The following AGAP1 variants were observed in gnomAD, a reference collection of about 807,000 sequenced individuals.
AGAP1 encodes arf-GAP with GTPase, ANK repeat and PH domain-containing protein 1.
A neutral mutation model predicts 105.3 loss-of-function variants in AGAP1; 29 were observed. The ratio of observed to expected loss-of-function variants is 0.28; its 90% CI spans 0.21 to 0.38. The LOEUF (loss-of-function observed/expected upper bound fraction) is 0.38. Among genes scored for constraint, AGAP1 ranks in the 10% least tolerant of loss-of-function variants. AGAP1 has a pLI of 1.00. For synonymous variants in AGAP1, 509 were observed against 485.9 expected, an observed-to-expected ratio of 1.05 and a Z score of -0.63; for missense variants, 998 against 1,165.1, an observed-to-expected ratio of 0.86 and a Z score of 2.09.
intron 10 of AGAP1, among the ~76,000 whole-genome samples, chr2:235,885,083 A>G (rs540143357): frequency 7.2e-4 from 109 of 152,358 alleles, no homozygotes; most frequent in Non-Finnish European, 1.3e-3. Flanking sequence ...AGTTAGAAAT[A>G]GCATATTGAA....
intron 12 of AGAP1, among the ~76,000 whole-genome samples, chr2:235,945,674 T>C (rs530121172): frequency 5.4e-4 from 82 of 152,070 alleles, no homozygotes; most frequent in Non-Finnish European, 1.0e-3. Context: ...GCTCTTAGAT[T>C]CGGGAGTGGG....
chr2:235,803,267 C>T (rs902535427), intron 8 of AGAP1, among the ~76,000 whole-genome samples: 17 of 152,074 alleles, frequency 1.1e-4, no homozygotes, highest in Admixed American at 5.2e-4. Context: ...ATAGTAACTC[C>T]ACTAGATGTC....
intron 9 of AGAP1, among the ~76,000 whole-genome samples, chr2:235,825,542 G>A (rs1218452506): frequency 6.6e-6 from 1 of 152,076 alleles, no homozygotes; most frequent in Non-Finnish European, 1.5e-5. Context: ...AAAATCATGT[G>A]CATTATTTCA....
intron 9 of AGAP1, among the ~76,000 whole-genome samples, chr2:235,881,877 TTAGAG>T (rs1286193176): frequency 6.6e-6 from 1 of 152,204 alleles, no homozygotes; most frequent in African/African-American, 2.4e-5. Context: ...TAAAAATGAA[TTAGAG>T]TAAATTACAT....
At chr2:235,760,631 G>T (rs1421936817) in intron 6 of AGAP1, among the ~76,000 whole-genome samples, 1 of 152,160 alleles carries the variant, frequency 6.6e-6, no homozygotes, top group East Asian at 1.9e-4. Context: ...TGTCACACAG[G>T]CTGGAGTACA....
chr2:236,069,869 T>A, intron 16 of AGAP1, among the ~76,000 whole-genome samples: 1 of 152,370 alleles, frequency 6.6e-6, no homozygotes, highest in African/African-American at 2.4e-5. Context: ...TTATCTTTAT[T>A]TTCTAATTTT....
At chr2:235,634,283 T>C (rs558915212) in intron 1 of AGAP1, among the ~76,000 whole-genome samples, 1 of 152,356 alleles carries the variant, frequency 6.6e-6, no homozygotes, top group Admixed American at 6.5e-5. Flanking sequence ...TGTATCTCTG[T>C]GTACCTGTGT....
intron 10 of AGAP1, among the ~76,000 whole-genome samples, chr2:235,907,582 A>G (rs1309427579): frequency 6.6e-6 from 1 of 152,236 alleles, no homozygotes; most frequent in Non-Finnish European, 1.5e-5. Flanking sequence ...CACTTCCTGC[A>G]TAGTCTTAAA....
intron 13 of AGAP1, among the ~76,000 whole-genome samples, chr2:235,984,008 A>G (rs1006088411): frequency 1.3e-5 from 2 of 152,188 alleles, no homozygotes; most frequent in African/African-American, 4.8e-5. Context: ...GCCATTCCCA[A>G]AACATTTTCT....
Position 235,983,048 on chromosome 2 carries a change from A to G in AGAP1, c.1645+14425A>G, listed in dbSNP as rs1439986972. On this transcript the variant is annotated intron_variant, in intron 13 of 17. Coordinates refer to ENST00000304032, the MANE Select transcript of AGAP1 (RefSeq NM_001037131.3). The surrounding 1 kb of genome is among the most constrained non-coding windows in gnomAD (Gnocchi z 4.5). ...GAGCGATGTGTGAGCATGAGGAGAC[A>G]TTCCTTAAGCCAGCCTGGTCTGTGG... Among the ~76,000 whole-genome samples, 3 of 152,180 alleles carry G rather than the reference A, an allele frequency of 2.0e-5. No homozygotes were observed. Among genetic ancestry groups the G allele is most frequent in the African/African-American group, 7.2e-5 (3 of 41,438 alleles).
At chr2:235,756,043 A>G (rs913581062) in intron 6 of AGAP1, among the ~76,000 whole-genome samples, 1 of 152,228 alleles carries the variant, frequency 6.6e-6, no homozygotes, top group Non-Finnish European at 1.5e-5. Flanking sequence ...TGAGCATTAC[A>G]CGTGCACCTT....
intron 16 of AGAP1, among the ~76,000 whole-genome samples, chr2:236,070,526 C>A (rs955034715): frequency 2.0e-5 from 3 of 152,218 alleles, no homozygotes; most frequent in African/African-American, 7.2e-5. Flanking sequence ...CTATTAGCTA[C>A]ACAGTGGAAA....
In AGAP1 at chr2:235,970,206, T is replaced by TA. The variant is rs35825564; in HGVS notation, c.1645+1605dup. On this transcript the variant is annotated intron_variant, in intron 13 of 17. Coordinates refer to ENST00000304032, the MANE Select transcript of AGAP1 (RefSeq NM_001037131.3). This position sits in a 1 kb window ranked among gnomAD's most constrained non-coding sequence, Gnocchi z 5.4. The stretch of plus-strand genomic sequence containing the variant: ...GGGCGACAGAGTGAGACTCTGTCTT[T>TA]AAAAAAAAAAAAAAAAAAAAAAGAC... Among the ~76,000 whole-genome samples the TA allele has an allele frequency of 0.027, 3,152 of 117,822 alleles. 42 individuals are homozygous for TA. The highest frequency in any genetic ancestry group is 0.05 in the Middle Eastern group (11 of 222). 77.3% of individuals were successfully genotyped at this position (117,822 alleles called of 152,430 possible).
intron 9 of AGAP1, among the ~76,000 whole-genome samples, chr2:235,846,047 A>G (rs1032746717): frequency 7.9e-5 from 12 of 152,144 alleles, no homozygotes; most frequent in Non-Finnish European, 1.0e-4. Context: ...TAATTTCACT[A>G]TATTCTCAAA....
At chr2:235,820,466 C>G (rs879909988) in intron 9 of AGAP1, among the ~76,000 whole-genome samples, 1 of 152,048 alleles carries the variant, frequency 6.6e-6, no homozygotes, top group Non-Finnish European at 1.5e-5. Flanking sequence ...AGTATTTATC[C>G]AGAAGAAGAT....
intron 17 of AGAP1, among the ~76,000 whole-genome samples, chr2:236,122,830 G>A (rs754802880): frequency 1.1e-4 from 16 of 151,554 alleles, no homozygotes; most frequent in Admixed American, 5.9e-4. Context: ...GATTACAAGC[G>A]TACACCACCA....
rs1191460908 is a variant in AGAP1, at chr2:235,983,774, G to T, written c.1645+15151G>T. 1.3e-5 allele frequency among the ~76,000 whole-genome samples: 2 copies of T among 152,190 alleles called. No homozygotes were observed. Among genetic ancestry groups the T allele is most frequent in the Non-Finnish European group, 2.9e-5 (2 of 68,032 alleles). ...CTGGGAGCAATAGGCTCTGCACATA[G>T]CCTGAGTGTGTGGTAGCCACACCAT... On this transcript the variant is annotated intron_variant, in intron 13 of 17. Coordinates refer to ENST00000304032, the MANE Select transcript of AGAP1 (RefSeq NM_001037131.3). The surrounding 1 kb of genome is among the most constrained non-coding windows in gnomAD (Gnocchi z 4.5).
Position 235,812,445 on chromosome 2 carries a change from C to T in AGAP1, c.1050+5114C>T, listed in dbSNP as rs554395335. Among the ~76,000 whole-genome samples the T allele has an allele frequency of 3.5e-4, 54 of 152,360 alleles. 1 individual carries two copies. The highest frequency in any genetic ancestry group is 1.2e-3 in the African/African-American group (49 of 41,586). On this transcript the variant is annotated intron_variant, in intron 9 of 17. Transcript: ENST00000304032. ...AAGGAACCTCTGGAGTTAATCCCCT[C>T]GTCCAGCCTGCCGCAGGCCACCGAC...
intron 9 of AGAP1, among the ~76,000 whole-genome samples, chr2:235,812,271 G>A (rs754301843): frequency 3.3e-5 from 5 of 152,208 alleles, no homozygotes; most frequent in South Asian, 2.1e-4. Context: ...ATCTGAAGCC[G>A]TGGGAAAAGC....
Sources: gnomAD v4.1 joint callset for allele counts (sites outside exome capture counted in the v4.1 genomes callset) on GRCh38, gnomAD v4.1.1 for gene constraint, Gnocchi (gnomAD v3.1) non-coding constraint, MANE v1.5 for transcripts, NCBI Gene and HGNC (gene_info 2026-07-23, HGNC 2026-07-21) for gene names.